CNTNAP5: variants seen among roughly 807,000 people sequenced by gnomAD.
CNTNAP5 encodes the protein contactin-associated protein-like 5.
A neutral mutation model predicts 150.2 loss-of-function variants in CNTNAP5; 72 were observed. The ratio of observed to expected loss-of-function variants is 0.48; its 90% confidence interval spans 0.40 to 0.58. The LOEUF is 0.58. Ranked by LOEUF, CNTNAP5 falls within the 20% of genes least tolerant of loss-of-function variation. The probability of loss-of-function intolerance (pLI) is 0.00; values close to 1 mark genes in which losing one functional copy is unlikely to be tolerated. For missense variants in CNTNAP5, 1,636 were observed against 1,626.2 expected (o/e 1.01, Z -0.10); for synonymous variants, 672 against 619.8 (o/e 1.08, Z -1.25).
At chr2:124,786,314 A>G (rs1023575367) in intron 17 of CNTNAP5, among the ~76,000 whole-genome samples, 8 of 148,870 alleles carry the variant, frequency 5.4e-5, no homozygotes, top group African/African-American at 2.0e-4. Flanking sequence ...GAGAAAGAAG[A>G]AAGAAAGGAA....
rs10641959 is a variant in CNTNAP5, at chr2:124,510,518, T to TATATATATACACACAC, written c.1327+5963_1327+5964insTATATATACACACACA. ...ATATATATATATATATATATATATATACATATATCTCCATATATCAACACA... is the reference window on the plus strand; with the variant it reads ...ATATATATATATATATATATATATATATATATATACACACACACATATATCTCCATATATCAACACA... On this transcript the variant is annotated intron_variant, in intron 8 of 23. Transcript: ENST00000682447. Among the ~76,000 whole-genome samples the TATATATATACACACAC allele has an allele frequency of 2.0e-4, 25 of 124,898 alleles. 1 individual carries two copies. The highest frequency in any genetic ancestry group is 7.3e-4 in the African/African-American group (23 of 31,376). 81.9% of individuals were successfully genotyped at this position (124,898 alleles called of 152,430 possible).
At chr2:124,340,428 G>A (rs1689581855) in intron 3 of CNTNAP5, among the ~76,000 whole-genome samples, 1 of 152,096 alleles carries the variant, frequency 6.6e-6, no homozygotes, top group African/African-American at 2.4e-5. Flanking sequence ...AATGGGATAT[G>A]TAGGCAGTTT....
chr2:124,120,416 A>T (rs964667414), intron 1 of CNTNAP5, among the ~76,000 whole-genome samples: 1 of 152,226 alleles, frequency 6.6e-6, no homozygotes, highest in Non-Finnish European at 1.5e-5. Flanking sequence ...GAAAAAAGCC[A>T]GGTCTGGACA....
At chr2:124,764,183 T>A in intron 16 of CNTNAP5, 36 bp downstream of exon 16, 1 of 1,561,766 alleles carries the variant, frequency 6.4e-7, no homozygotes, top group Non-Finnish European at 8.8e-7. Flanking sequence ...ATGTAACTGA[T>A]CAACAAACAA....
intron 13 of CNTNAP5, among the ~76,000 whole-genome samples, chr2:124,712,833 G>A (rs910373310): frequency 2.0e-5 from 3 of 151,368 alleles, no homozygotes; most frequent in Non-Finnish European, 4.4e-5. Flanking sequence ...CTGAAGCCTC[G>A]AATTCCTGAC....
chr2:124,201,243 G>A (rs183961586), intron 1 of CNTNAP5, among the ~76,000 whole-genome samples: 183 of 152,306 alleles, frequency 1.2e-3, no homozygotes, highest in Admixed American at 0.011. Context: ...TCAGGTACAT[G>A]CACTACTTTT....
intron 9 of CNTNAP5, 23 bp from the exon 10 acceptor site, chr2:124,527,262 C>A: frequency 6.2e-7 from 1 of 1,602,742 alleles, no homozygotes; most frequent in East Asian, 2.2e-5. Context: ...CATTCTTCTT[C>A]ATCTTTTTTC....
chr2:124,770,980 T>C (rs1416786821), intron 16 of CNTNAP5, among the ~76,000 whole-genome samples: 2 of 152,166 alleles, frequency 1.3e-5, no homozygotes, highest in African/African-American at 4.8e-5. Flanking sequence ...TCTAAGCTCT[T>C]AAATCCCATT....
At chr2:124,145,797 A>C (rs186896237) in intron 1 of CNTNAP5, among the ~76,000 whole-genome samples, 1 of 86,506 alleles carries the variant, frequency 1.2e-5, no homozygotes, top group Non-Finnish European at 2.1e-5. Context: ...AGTATAATAA[A>C]AAAAAAAAAA....
intron 13 of CNTNAP5, among the ~76,000 whole-genome samples, chr2:124,735,052 T>C (rs955538362): frequency 2.6e-5 from 4 of 152,184 alleles, no homozygotes; most frequent in South Asian, 2.1e-4. Context: ...CATTAATGTA[T>C]GGCTGTGTGA....
chr2:124,659,414 T>A (rs1015474063), intron 13 of CNTNAP5, among the ~76,000 whole-genome samples: 6 of 152,168 alleles, frequency 3.9e-5, no homozygotes, highest in Non-Finnish European at 7.3e-5. Flanking sequence ...AGTGGAAATG[T>A]TTTAGCCTCT....
intron 3 of CNTNAP5, among the ~76,000 whole-genome samples, chr2:124,361,530 C>G (rs1690196721): frequency 6.8e-6 from 1 of 146,172 alleles, no homozygotes. Context: ...TTCTAACAGA[C>G]AGGACCCTCA....
intron 18 of CNTNAP5, 111 bp downstream of exon 18, chr2:124,790,252 G>C: frequency 1.9e-5 from 22 of 1,165,516 alleles, no homozygotes; most frequent in Non-Finnish European, 2.5e-5. Context: ...CTACTCTCCC[G>C]CTGTTTAGAG....
At chr2:124,798,578 T>C (rs1479481053) in intron 19 of CNTNAP5, among the ~76,000 whole-genome samples, 2 of 152,242 alleles carry the variant, frequency 1.3e-5, no homozygotes, top group African/African-American at 4.8e-5. Flanking sequence ...AATTCTTTAT[T>C]ATTTATTCTG....
At chr2:124,890,996 C>CA (rs35189994) in intron 21 of CNTNAP5, among the ~76,000 whole-genome samples, 1 of 151,954 alleles carries the variant, frequency 6.6e-6, no homozygotes, top group Non-Finnish European at 1.5e-5. Context: ...TTAATGTTCA[C>CA]AAAAAAAGTA....
chr2:124,123,409 C>A (rs1020251789), intron 1 of CNTNAP5, among the ~76,000 whole-genome samples: 7 of 152,240 alleles, frequency 4.6e-5, no homozygotes, highest in Middle Eastern at 3.4e-3. Context: ...AGCTGGAAAG[C>A]TTGAACTGGG....
intron 1 of CNTNAP5, 147 bp from the exon 2 acceptor site, chr2:124,221,558 G>A: frequency 3.4e-6 from 2 of 591,030 alleles, no homozygotes; most frequent in South Asian, 4.2e-5. Flanking sequence ...AGTAGATGCA[G>A]TAACACATGG....
intron 10 of CNTNAP5, among the ~76,000 whole-genome samples, chr2:124,550,113 C>A (rs1695595748): frequency 6.6e-6 from 1 of 152,220 alleles, no homozygotes; most frequent in South Asian, 2.1e-4. Context: ...ACTAACATTG[C>A]TAGTGCAGTG....
At chr2:124,057,728 G>A (rs1681895012) in intron 1 of CNTNAP5, among the ~76,000 whole-genome samples, 1 of 150,288 alleles carries the variant, frequency 6.7e-6, no homozygotes, top group Non-Finnish European at 1.5e-5. Flanking sequence ...TCTTTTAATG[G>A]ATAAACAAGA....
Sources: gnomAD v4.1 joint callset for allele counts (sites outside exome capture counted in the v4.1 genomes callset) on GRCh38, gnomAD v4.1.1 for gene constraint, MANE v1.5 for transcripts, NCBI Gene and HGNC (gene_info 2026-07-23, HGNC 2026-07-21) for gene names.